ZKSCAN3: variants seen among roughly 807,000 people sequenced by gnomAD.
ZKSCAN3 encodes zinc finger with KRAB and SCAN domains 3.
ZKSCAN3 carries 21 observed loss-of-function variants against 30.7 expected under a neutral mutation model. The ratio of observed to expected loss-of-function variants is 0.68; its 90% CI spans 0.49 to 0.99. The LOEUF is 0.99. Among genes scored for constraint, ZKSCAN3 ranks in the 50% least tolerant of loss-of-function variants. The pLI, the probability that ZKSCAN3 is intolerant of heterozygous loss-of-function variation, is 0.00. For missense variants in ZKSCAN3, 507 were observed against 647.1 expected, an observed-to-expected ratio of 0.78 and a Z score of 2.35; for synonymous variants, 201 against 246.7, an observed-to-expected ratio of 0.81 and a Z score of 1.73.
At chr6:28,365,155 C>T (rs1486141397) in intron 5 of ZKSCAN3, among the ~76,000 whole-genome samples, 2 of 152,150 alleles carry the variant, frequency 1.3e-5, no homozygotes, top group African/African-American at 4.8e-5. Flanking sequence ...GATCCAACCA[C>T]ATACATCCCC....
chr6:28,361,352 T>C lies in ZKSCAN3; in HGVS notation c.431T>C (p.Leu144Pro). ...TCAGGTGTTGACCAGGGGCAAGAAC[T>C]GCTCTGTTGCAAGATGGCACTATTG... is the stretch of plus-strand genomic sequence containing the variant. ...QVSGVDQGQE[L>P]LCCKMALLTP... Residue 144 changes from leucine (L) to proline (P), a missense_variant, in exon 3 of 6, where the codon CTG becomes CCG. Transcript: ENST00000252211. The C allele has an allele frequency of 1.2e-6, 2 of 1,613,524 alleles. No homozygotes were observed. Among genetic ancestry groups the C allele is most frequent in the Non-Finnish European group, 1.7e-6 (2 of 1,179,892 alleles).
chr6:28,360,173 T>A lies in ZKSCAN3; in HGVS notation c.402+185T>A, dbSNP rs1022429959. 1.1e-5 allele frequency: 12 copies of A among 1,050,254 alleles called. No homozygotes were observed. The African/African-American group carries it at 1.8e-4, about 16-fold the overall frequency. 65.1% of individuals were successfully genotyped at this position (1,050,254 alleles called of 1,614,324 possible). ...AGAATAATTTTTTTTTTAAAATACA[T>A]AAACCATAAAGGATTACAAAAGAAC... On this transcript the variant is annotated intron_variant, in intron 2 of 5. Coordinates refer to ENST00000252211, the MANE Select transcript of ZKSCAN3 (RefSeq NM_024493.4).
Position 28,350,084 on chromosome 6 carries a change from A to ATGTGTGTG in ZKSCAN3, c.-63+37_-63+44dup, listed in dbSNP as rs112636754. ...CGGGTAGAGGTGCGTTTGCAGGAGT[A>ATGTGTGTG]TGTGTGTGTGTGTGTGTGTGTGTGT... On this transcript the variant is annotated intron_variant, in intron 1 of 5. Coordinates refer to ENST00000252211, the MANE Select transcript of ZKSCAN3 (RefSeq NM_024493.4). 10,350 of 148,712 alleles carry ATGTGTGTG rather than the reference A, an allele frequency of 0.07. 480 individuals carry two copies. Among genetic ancestry groups the ATGTGTGTG allele is most frequent in the African/African-American group, 0.13 (5,292 of 40,284 alleles). 9.2% of individuals were successfully genotyped at this position (148,712 alleles called of 1,614,324 possible).
intron 3 of ZKSCAN3, among the ~76,000 whole-genome samples, chr6:28,362,895 C>A (rs1290060215): frequency 6.6e-6 from 1 of 152,184 alleles, no homozygotes; most frequent in Non-Finnish European, 1.5e-5. Flanking sequence ...CTATCTCTAG[C>A]AAAATTCAAA....
chr6:28,360,122 A>G (rs997166033), intron 2 of ZKSCAN3, 134 bp downstream of exon 2: 9 of 1,508,654 alleles, frequency 6.0e-6, no homozygotes, highest in African/African-American at 1.4e-5. Flanking sequence ...CCTTGGCAGT[A>G]AGGTGAAGTC....
chr6:28,355,315 A>T (rs1026259086), intron 1 of ZKSCAN3: 2 of 152,176 alleles, frequency 1.3e-5, no homozygotes, highest in African/African-American at 4.8e-5. Flanking sequence ...ACCCATGAGC[A>T]TACCCACCCT....
chr6:28,361,423 G>T lies in ZKSCAN3; in HGVS notation c.502G>T (p.Ala168Ser), dbSNP rs1765767439. The change falls in exon 3 of 6, where the codon GCT becomes TCT. Residue 168 changes from alanine (A) to serine (S), a missense_variant. By Grantham distance (99) the Ala-to-Ser change is moderately conservative. Coordinates refer to ENST00000252211, the MANE Select transcript of ZKSCAN3 (RefSeq NM_024493.4). ...AAGTAGCCAATTTCAGCTAATGAAGGCTCTGCTCAAGCATGAATCTGTGGG... is the reference window on the plus strand; with the variant it reads ...AAGTAGCCAATTTCAGCTAATGAAGTCTCTGCTCAAGCATGAATCTGTGGG... ...SQSSQFQLMKALLKHESVGSQ... is the reference protein window; with the variant it reads ...SQSSQFQLMKSLLKHESVGSQ... 1 of 1,613,960 alleles carries T rather than the reference G, an allele frequency of 6.2e-7. No homozygotes were observed.
At chr6:28,361,152 A>C (rs1265137361) in intron 2 of ZKSCAN3, among the ~76,000 whole-genome samples, 172 bp from the exon 3 acceptor site, 1 of 152,174 alleles carries the variant, frequency 6.6e-6, no homozygotes, top group Non-Finnish European at 1.5e-5. Flanking sequence ...GCTGTGCCTT[A>C]ATTTCCCTAT....
rs1478099425 is a variant in ZKSCAN3, at chr6:28,351,329, C to T, written c.-63+1262C>T. Among the ~76,000 whole-genome samples the T allele has an allele frequency of 2.0e-5, 3 of 152,286 alleles. No homozygotes were observed. Among genetic ancestry groups the T allele is most frequent in the African/African-American group, 7.2e-5 (3 of 41,550 alleles). ...CCTGCCATAGACTTCCTCCCTTCCC[C>T]ACCGTGGACACCCTCCTCATTCCAC... On this transcript the variant is annotated intron_variant, in intron 1 of 5. Coordinates refer to ENST00000252211, the MANE Select transcript of ZKSCAN3 (RefSeq NM_024493.4). The surrounding 1 kb of genome is among the most constrained non-coding windows in gnomAD (Gnocchi z 4.6).
Position 28,359,762 on chromosome 6 carries a change from G to GC in ZKSCAN3, c.181dup (p.Arg61ProfsTer18). 1 of 1,614,170 alleles carries GC rather than the reference G, an allele frequency of 6.2e-7. No individual in the cohort carries two copies. Among genetic ancestry groups the GC allele is most frequent in the Non-Finnish European group, 8.5e-7 (1 of 1,180,024 alleles). ...GGCTTCCGCTACCCGGAGGCTGCAG[G>GC]CCCCCGCGAGGCGCTGAGTCGGCTC... On this transcript the variant is annotated frameshift_variant, in exon 2 of 6. Transcript: ENST00000252211. LOFTEE classifies it high-confidence loss of function.
intron 1 of ZKSCAN3, chr6:28,353,970 ATG>A (rs1765241066): frequency 2.2e-6 from 1 of 454,666 alleles, no homozygotes; most frequent in Admixed American, 2.3e-5. Flanking sequence ...CAGGTAAAAT[ATG>A]ATTTTATTCA....
rs575257793 is a variant in ZKSCAN3, at chr6:28,369,130, G to T, written c.*2845G>T. 2.0e-5 allele frequency: 3 copies of T among 152,070 alleles called. No homozygotes were observed. The highest frequency in any genetic ancestry group is 2.1e-4 in the South Asian group (1 of 4,824). 9.4% of individuals were successfully genotyped at this position (152,070 alleles called of 1,614,324 possible). Reference sequence around the variant, plus strand: ...GGACACAAATCTAACAAATCCTAATGTATATTATTTGTATTATAGTAATAA... The same window carrying T: ...GGACACAAATCTAACAAATCCTAATTTATATTATTTGTATTATAGTAATAA... On this transcript the variant is annotated 3_prime_UTR_variant, in exon 6 of 6. Transcript: ENST00000252211. This position sits in a 1 kb window ranked among gnomAD's most constrained non-coding sequence, Gnocchi z 4.1.
intron 1 of ZKSCAN3, among the ~76,000 whole-genome samples, chr6:28,352,927 A>G (rs909559240): frequency 6.8e-6 from 1 of 148,048 alleles, no homozygotes; most frequent in Non-Finnish European, 1.5e-5. Context: ...TCCCTTTGTA[A>G]CCTCTACCAG....
chr6:28,359,386 T>G, intron 1 of ZKSCAN3, 139 bp from the exon 2 acceptor site: 1 of 633,850 alleles, frequency 1.6e-6, no homozygotes, highest in Non-Finnish European at 2.7e-6. Context: ...TTTGGGGTGG[T>G]GTAGAGGATT....
intron 1 of ZKSCAN3, 43 bp from the exon 2 acceptor site, chr6:28,359,482 T>A: frequency 7.1e-7 from 1 of 1,418,066 alleles, no homozygotes; most frequent in Non-Finnish European, 9.5e-7. Context: ...GAGAAGGGAC[T>A]ACTTGCAAGT....
At chr6:28,363,638 C>T (rs1424150408) in intron 4 of ZKSCAN3, 54 bp from the exon 5 acceptor site, 1 of 1,608,908 alleles carries the variant, frequency 6.2e-7, no homozygotes, top group East Asian at 2.2e-5. Flanking sequence ...CAGATCTTCC[C>T]CACTCCACCA....
intron 1 of ZKSCAN3, among the ~76,000 whole-genome samples, chr6:28,350,786 A>G (rs1764952721): frequency 6.6e-6 from 1 of 152,140 alleles, no homozygotes; most frequent in East Asian, 1.9e-4. Context: ...AAAATAAGAT[A>G]CTCTGAAAAA....
At chr6:28,356,870 A>G (rs962090833) in intron 1 of ZKSCAN3, among the ~76,000 whole-genome samples, 1 of 152,212 alleles carries the variant, frequency 6.6e-6, no homozygotes, top group Non-Finnish European at 1.5e-5. Context: ...GTGGCTGCAT[A>G]GCCGCTCCGG....
In ZKSCAN3 at chr6:28,359,603, G is replaced by A. The variant is rs148473672; in HGVS notation, c.17G>A (p.Ser6Asn). The A allele has an allele frequency of 6.2e-7, 1 of 1,614,036 alleles. No individual in the cohort carries two copies. Among genetic ancestry groups the A allele is most frequent in the Non-Finnish European group, 8.5e-7 (1 of 1,179,904 alleles). Residue 6 changes from serine (S) to asparagine (N), a missense_variant, in exon 2 of 6, where the codon AGT becomes AAT. By Grantham distance (46) the Ser-to-Asn change is conservative. Coordinates refer to ENST00000252211, the MANE Select transcript of ZKSCAN3 (RefSeq NM_024493.4). The stretch of plus-strand genomic sequence containing the variant: ...TGGCCTAGGATGGCTAGAGAATTAA[G>A]TGAAAGCACAGCCCTGGATGCCCAG... MAREL[S>N]ESTALDAQST...
Sources: allele counts gnomAD v4.1 joint callset (sites outside exome capture counted in the v4.1 genomes callset), GRCh38; gene constraint gnomAD v4.1.1; non-coding constraint Gnocchi (gnomAD v3.1); transcripts MANE v1.5; gene names NCBI Gene and HGNC (gene_info 2026-07-23, HGNC 2026-07-21).